Variants in MB21D2 observed in about 807,000 individuals in gnomAD.
The protein encoded by MB21D2 is nucleotidyltransferase MB21D2.
Under a neutral mutation model 33.3 loss-of-function variants are expected in MB21D2, and 9 were observed. The ratio of observed to expected loss-of-function variants is 0.27; its 90% confidence interval spans 0.16 to 0.47. MB21D2 has a LOEUF of 0.47. Ranked by LOEUF, MB21D2 falls within the 20% of genes least tolerant of loss-of-function variation. The probability of loss-of-function intolerance (pLI) is 0.99; values close to 1 mark genes in which losing one functional copy is unlikely to be tolerated. For synonymous variants in MB21D2, 241 were observed against 236.3 expected, an observed-to-expected ratio of 1.02 and a Z score of -0.18; for missense variants, 540 against 624.6, an observed-to-expected ratio of 0.86 and a Z score of 1.44.
chr3:192,886,959 T>TA (rs909417552), intron 1 of MB21D2, among the ~76,000 whole-genome samples: 1 of 151,676 alleles, frequency 6.6e-6, no homozygotes, highest in Admixed American at 6.6e-5. Context: ...AGTCTTCATT[T>TA]AAAATCCTGT....
intron 1 of MB21D2, among the ~76,000 whole-genome samples, chr3:192,899,485 C>T (rs956447969): frequency 2.6e-5 from 4 of 152,006 alleles, no homozygotes; most frequent in African/African-American, 7.3e-5. Context: ...ACCGAGATCA[C>T]GCCACTGCAC....
chr3:192,902,238 T>G (rs1349090328), intron 1 of MB21D2, among the ~76,000 whole-genome samples: 1 of 152,120 alleles, frequency 6.6e-6, no homozygotes, highest in Non-Finnish European at 1.5e-5. Flanking sequence ...CACTACCCCC[T>G]CACTTCTGTT....
At position 192,799,880 on chromosome 3, in the gene MB21D2, A is replaced by T. The variant is rs1711518286; in HGVS notation, c.212-230T>A. On this transcript the variant is annotated intron_variant, in intron 1 of 1. Transcript: ENST00000392452. The surrounding 1 kb of genome is among the most constrained non-coding windows in gnomAD (Gnocchi z 4.1). ...TAGATTTTTCTCTCTCAGTGTGAAA[A>T]GCAGTATCGTTTTCAATAATAAAAC... Among the ~76,000 whole-genome samples the T allele has an allele frequency of 6.6e-6, 1 of 152,170 alleles. No homozygotes were observed. Among genetic ancestry groups the T allele is most frequent in the African/African-American group, 2.4e-5 (1 of 41,436 alleles).
intron 1 of MB21D2, among the ~76,000 whole-genome samples, 173 bp downstream of exon 1, chr3:192,917,457 C>T (rs558739082): frequency 3.3e-5 from 5 of 152,230 alleles, no homozygotes; most frequent in East Asian, 1.9e-4. Context: ...GCAGGCAGCT[C>T]GGCTTTCGGC....
intron 1 of MB21D2, among the ~76,000 whole-genome samples, chr3:192,828,649 T>A (rs1246658418): frequency 2.4e-5 from 1 of 41,504 alleles, no homozygotes; most frequent in Admixed American, 3.3e-4. Context: ...TATATATATA[T>A]ATATATATAT....
intron 1 of MB21D2, among the ~76,000 whole-genome samples, chr3:192,888,274 T>G (rs1713776810): frequency 6.6e-6 from 1 of 152,002 alleles, no homozygotes; most frequent in Admixed American, 6.6e-5. Context: ...CCTCAATCTA[T>G]TAAGTAATGA....
intron 1 of MB21D2, among the ~76,000 whole-genome samples, chr3:192,876,125 A>G (rs533121457): frequency 2.6e-5 from 4 of 152,296 alleles, no homozygotes; most frequent in African/African-American, 9.6e-5. Flanking sequence ...AAGACATCCA[A>G]TGGCAATGGT....
At chr3:192,820,742 G>A (rs888205761) in intron 1 of MB21D2, among the ~76,000 whole-genome samples, 5 of 152,086 alleles carry the variant, frequency 3.3e-5, no homozygotes, top group African/African-American at 4.8e-5. Context: ...TACCTAACTC[G>A]CGCTCCACCC....
At chr3:192,809,322 T>C (rs1028074049) in intron 1 of MB21D2, among the ~76,000 whole-genome samples, 1 of 152,182 alleles carries the variant, frequency 6.6e-6, no homozygotes, top group African/African-American at 2.4e-5. Flanking sequence ...TCTGGATCTT[T>C]TGACCTCGTG....
chr3:192,877,756 A>G (rs1713463567), intron 1 of MB21D2, among the ~76,000 whole-genome samples: 1 of 152,190 alleles, frequency 6.6e-6, no homozygotes, highest in African/African-American at 2.4e-5. Flanking sequence ...GTGACACCAA[A>G]TTACTCAGAT....
At chr3:192,901,288 G>A (rs1268479786) in intron 1 of MB21D2, among the ~76,000 whole-genome samples, 5 of 151,808 alleles carry the variant, frequency 3.3e-5, no homozygotes, top group Admixed American at 6.6e-5. Context: ...ACTTTATTGC[G>A]GCCGGGAGCG....
rs767950383 is a variant in MB21D2 at position 192,798,779 on chromosome 3, G to T, written c.1083C>A (p.Leu361=). 8 of 1,613,020 alleles carry T rather than the reference G, an allele frequency of 5.0e-6. No homozygotes were observed. In the South Asian group the frequency reaches 8.8e-5, roughly 18 times the overall value. Residue 361 remains leucine (L), a synonymous_variant, in exon 2 of 2, where the codon CTC becomes CTA. Coordinates refer to ENST00000392452, the MANE Select transcript of MB21D2 (RefSeq NM_178496.4). This position sits in a 1 kb window ranked among gnomAD's most constrained non-coding sequence, Gnocchi z 4.8. The part of the protein sequence containing the change: ...EDYAAHFLLG[L]IDDLQHCLVN... ...CCAGACAGTGTTGCAGGTCATCGAT[G>T]AGGCCCAGCAAAAAGTGGGCTGCAT...
chr3:192,832,217 G>A (rs565450523), intron 1 of MB21D2, among the ~76,000 whole-genome samples: 131 of 152,266 alleles, frequency 8.6e-4, no homozygotes, highest in Non-Finnish European at 1.7e-3. Context: ...GAACACACAA[G>A]TTTCAAAACA....
chr3:192,824,033 T>C (rs180883280), intron 1 of MB21D2, among the ~76,000 whole-genome samples: 10 of 152,266 alleles, frequency 6.6e-5, no homozygotes, highest in Admixed American at 2.6e-4. Context: ...TTGTAATACA[T>C]CCAGCTTCAC....
chr3:192,892,271 G>T (rs1433040591), intron 1 of MB21D2, among the ~76,000 whole-genome samples: 2 of 152,072 alleles, frequency 1.3e-5, no homozygotes. Context: ...CCAGTGACTG[G>T]GAGTTCAGAT....
At chr3:192,838,012 G>A (rs1712477562) in intron 1 of MB21D2, among the ~76,000 whole-genome samples, 1 of 152,220 alleles carries the variant, frequency 6.6e-6, no homozygotes, top group Non-Finnish European at 1.5e-5. Context: ...GTTGAGAAAC[G>A]AGGAGCAGCA....
At chr3:192,869,674 A>G (rs6779110) in intron 1 of MB21D2, among the ~76,000 whole-genome samples, 90,351 of 152,090 alleles carry the variant, frequency 0.59, 28,257 homozygotes, top group African/African-American at 0.78. Context: ...TCTCCTCCCC[A>G]TAAAAAGCCA....
chr3:192,895,305 T>C (rs1350730342), intron 1 of MB21D2, among the ~76,000 whole-genome samples: 8 of 152,172 alleles, frequency 5.3e-5, no homozygotes, highest in Admixed American at 3.9e-4. Flanking sequence ...AGTTCCATAC[T>C]CCCACACCCA....
At chr3:192,848,391 C>G (rs940615390) in intron 1 of MB21D2, among the ~76,000 whole-genome samples, 11 of 152,126 alleles carry the variant, frequency 7.2e-5, no homozygotes, top group African/African-American at 2.4e-4. Flanking sequence ...GGGACATCTT[C>G]AAAAAACTCT....
Sources: allele counts gnomAD v4.1 joint callset (sites outside exome capture counted in the v4.1 genomes callset), GRCh38; gene constraint gnomAD v4.1.1; non-coding constraint Gnocchi (gnomAD v3.1); transcripts MANE v1.5; gene names NCBI Gene and HGNC (gene_info 2026-07-23, HGNC 2026-07-21).